The following FAF1 variants were observed in gnomAD, a reference collection of about 807,000 sequenced individuals.
FAF1 encodes the protein Fas associated factor 1.
A neutral mutation model predicts 92.5 loss-of-function variants in FAF1; 25 were observed. The observed-to-expected ratio is 0.27, with a 90% CI of 0.20 to 0.38. The LOEUF is 0.38. FAF1 is among the 10% of genes least tolerant of loss of function. The pLI is 1.00. For missense variants in FAF1, 636 were observed against 793.3 expected (o/e 0.80, Z 2.38); for synonymous variants, 234 against 273.2 (o/e 0.86, Z 1.42).
intron 9 of FAF1, among the ~76,000 whole-genome samples, chr1:50,593,687 A>C (rs575206968): frequency 2.0e-5 from 3 of 152,344 alleles, no homozygotes; most frequent in African/African-American, 7.2e-5. Context: ...CAGCACAGTC[A>C]TATTATTAGC....
intron 7 of FAF1, among the ~76,000 whole-genome samples, chr1:50,678,397 C>T (rs943624481): frequency 4.6e-5 from 7 of 152,160 alleles, no homozygotes; most frequent in Admixed American, 3.9e-4. Context: ...CCAAAACATA[C>T]AAATTAGTAC....
At chr1:50,825,957 T>G (rs1294284641) in intron 2 of FAF1, among the ~76,000 whole-genome samples, 2 of 152,130 alleles carry the variant, frequency 1.3e-5, no homozygotes, top group Non-Finnish European at 2.9e-5. Flanking sequence ...AATTCCATAT[T>G]TAAATTAATG....
At chr1:50,858,110 A>ATT in intron 1 of FAF1, 113 bp from the exon 2 acceptor site, 2 of 630,520 alleles carry the variant, frequency 3.2e-6, no homozygotes, top group Non-Finnish European at 5.3e-6. Context: ...AGGTATATGA[A>ATT]TAAAGCCAAA....
intron 8 of FAF1, among the ~76,000 whole-genome samples, chr1:50,646,778 G>C (rs191411805): frequency 7.9e-5 from 12 of 152,240 alleles, no homozygotes; most frequent in Admixed American, 3.3e-4. Flanking sequence ...GCAACTTTAA[G>C]GGCCAGCACA....
At chr1:50,523,529 C>G (rs1168198551) in intron 15 of FAF1, among the ~76,000 whole-genome samples, 1 of 152,174 alleles carries the variant, frequency 6.6e-6, no homozygotes, top group Non-Finnish European at 1.5e-5. Context: ...CATTGAGCAT[C>G]TTTCCATGAG....
At chr1:50,513,082 T>C (rs1037799567) in intron 15 of FAF1, among the ~76,000 whole-genome samples, 1 of 152,168 alleles carries the variant, frequency 6.6e-6, no homozygotes, top group African/African-American at 2.4e-5. Context: ...GAGGATCAAA[T>C]GGAAAACCAG....
intron 1 of FAF1, among the ~76,000 whole-genome samples, chr1:50,933,426 A>C (rs1645063660): frequency 6.6e-6 from 1 of 152,178 alleles, no homozygotes; most frequent in South Asian, 2.1e-4. Flanking sequence ...TTTGCTTAAA[A>C]CATAACAAGA....
intron 1 of FAF1, among the ~76,000 whole-genome samples, chr1:50,957,853 A>G (rs568638127): frequency 6.6e-6 from 1 of 152,370 alleles, no homozygotes; most frequent in African/African-American, 2.4e-5. Flanking sequence ...ATTACTTTAT[A>G]AAGTTTTTAA....
At chr1:50,905,886 G>T (rs900661845) in intron 1 of FAF1, among the ~76,000 whole-genome samples, 7 of 152,146 alleles carry the variant, frequency 4.6e-5, no homozygotes, top group Admixed American at 4.6e-4. Context: ...AGTTTAATTA[G>T]ATCCCGTTTG....
intron 4 of FAF1, among the ~76,000 whole-genome samples, chr1:50,779,544 T>C (rs1470126903): frequency 2.6e-5 from 4 of 151,874 alleles, no homozygotes; most frequent in Non-Finnish European, 5.9e-5. Context: ...TATATTGATA[T>C]CTAAATATAT....
chr1:50,684,191 G>C (rs1245332218), intron 7 of FAF1, among the ~76,000 whole-genome samples: 1 of 150,190 alleles, frequency 6.7e-6, no homozygotes, highest in South Asian at 2.1e-4. Context: ...GGTGATAATA[G>C]ACAGAAATGC....
At chr1:50,886,778 T>C (rs569465992) in intron 1 of FAF1, among the ~76,000 whole-genome samples, 50 of 152,344 alleles carry the variant, frequency 3.3e-4, no homozygotes, top group African/African-American at 1.1e-3. Flanking sequence ...CAGTCTATCA[T>C]TGATGGACAT....
At chr1:50,587,487 A>G (rs1370668814) in intron 9 of FAF1, among the ~76,000 whole-genome samples, 2 of 152,228 alleles carry the variant, frequency 1.3e-5, no homozygotes, top group African/African-American at 2.4e-5. Context: ...CAGGTTAGAA[A>G]AAGCTTTTTC....
chr1:50,556,192 C>T (rs1039787935), intron 13 of FAF1, among the ~76,000 whole-genome samples: 3 of 143,208 alleles, frequency 2.1e-5, no homozygotes, highest in Non-Finnish European at 3.0e-5. Flanking sequence ...GAGCCAAGAT[C>T]GCGCCACTGC....
At chr1:50,865,138 T>A (rs189524278) in intron 1 of FAF1, among the ~76,000 whole-genome samples, 4 of 151,268 alleles carry the variant, frequency 2.6e-5, no homozygotes, top group Non-Finnish European at 5.9e-5. Context: ...CCACAATGAG[T>A]TACCATCTCA....
Position 50,770,431 on chromosome 1 carries a change from C to G in FAF1, c.367+17569G>C, listed in dbSNP as rs370782061. On this transcript the variant is annotated intron_variant, in intron 4 of 18. Transcript: ENST00000396153. ...TGTTTCAGGATACAAAATCAATGTA[C>G]GAAAATCAGTACCATTTCTACATAC... is the stretch of plus-strand genomic sequence containing the variant. Among the ~76,000 whole-genome samples, 17 of 152,250 alleles carry G rather than the reference C, an allele frequency of 1.1e-4. No individual in the cohort carries two copies. In the East Asian group the frequency reaches 2.9e-3, roughly 26 times the overall value.
In FAF1 at chr1:50,545,959, G is replaced by T. The variant is rs1300396101; in HGVS notation, c.1269-6231C>A. 3.9e-5 allele frequency among the ~76,000 whole-genome samples: 6 copies of T among 152,182 alleles called. No individual in the cohort carries two copies. In the East Asian group the frequency reaches 1.2e-3, roughly 29 times the overall value. On this transcript the variant is annotated intron_variant, in intron 13 of 18. Transcript: ENST00000396153. The stretch of plus-strand genomic sequence containing the variant: ...GGGGGGAGGAAATTGCTTAAGCCCA[G>T]GAGTTGAAGACCAACCTGGATAACA...
chr1:50,521,443 A>G (rs1014816638), intron 15 of FAF1, among the ~76,000 whole-genome samples: 1 of 152,208 alleles, frequency 6.6e-6, no homozygotes, highest in Non-Finnish European at 1.5e-5. Flanking sequence ...AAGAAGAAAA[A>G]ATGTTTCTAG....
chr1:50,728,790 CAAAAAAA>C (rs547043455), intron 6 of FAF1, among the ~76,000 whole-genome samples: 1 of 99,512 alleles, frequency 1.0e-5, no homozygotes, highest in East Asian at 2.8e-4. Flanking sequence ...GACTCCGTCT[CAAAAAAA>C]AAAAAAAGAA....
Sources: allele counts gnomAD v4.1 joint callset (sites outside exome capture counted in the v4.1 genomes callset), GRCh38; gene constraint gnomAD v4.1.1; transcripts MANE v1.5; gene names NCBI Gene and HGNC (gene_info 2026-07-23, HGNC 2026-07-21).